The following GCKR variants were observed in gnomAD, a reference collection of about 807,000 sequenced individuals.
The protein encoded by GCKR is glucokinase regulator, also known as glucokinase regulatory protein.
A neutral mutation model predicts 82.9 loss-of-function variants in GCKR; 73 were observed. The observed-to-expected ratio is 0.88, with a 90% CI of 0.73 to 1.07. The LOEUF (loss-of-function observed/expected upper bound fraction) is 1.07, where lower values mean the gene tolerates loss of function less well. Ranked by LOEUF, GCKR falls within the 50% of genes least tolerant of loss-of-function variation. The pLI is 0.00. For synonymous variants in GCKR, 294 were observed against 291.8 expected (o/e 1.01, Z -0.08); for missense variants, 784 against 782.1 (o/e 1.00, Z -0.03).
intron 16 of GCKR, among the ~76,000 whole-genome samples, chr2:27,511,440 T>C (rs1467817455): frequency 1.3e-5 from 2 of 151,576 alleles, no homozygotes; most frequent in South Asian, 2.1e-4. Context: ...CTCACGCCTG[T>C]AATCCCAGCA....
intron 16 of GCKR, among the ~76,000 whole-genome samples, chr2:27,515,658 T>A (rs1465852946): frequency 6.6e-6 from 1 of 151,774 alleles, no homozygotes; most frequent in Non-Finnish European, 1.5e-5. Flanking sequence ...AACACTTAGA[T>A]CTTTAATTTA....
At chr2:27,507,126 G>A (rs539255320) in intron 12 of GCKR, 109 bp from the exon 13 acceptor site, 7 of 838,942 alleles carry the variant, frequency 8.3e-6, no homozygotes, top group South Asian at 5.3e-5. Context: ...CTCACTCTAC[G>A]CCCCACTTGC....
intron 16 of GCKR, among the ~76,000 whole-genome samples, chr2:27,512,876 A>G (rs867521468): frequency 1.3e-5 from 2 of 152,310 alleles, no homozygotes; most frequent in African/African-American, 2.4e-5. Flanking sequence ...AGTCCAGGTC[A>G]GTTGTTTTCC....
chr2:27,519,629 T>C (rs1471489263), intron 17 of GCKR, among the ~76,000 whole-genome samples: 1 of 152,156 alleles, frequency 6.6e-6, no homozygotes, highest in Non-Finnish European at 1.5e-5. Context: ...GCAAGTTTTT[T>C]CCATTAGGTG....
chr2:27,522,913 T>TGA, intron 18 of GCKR, among the ~76,000 whole-genome samples: 1 of 135,452 alleles, frequency 7.4e-6, no homozygotes, highest in African/African-American at 2.8e-5. Flanking sequence ...TTTTTTTTTT[T>TGA]GAGAGAGAGT....
Position 27,498,269 on chromosome 2 carries a change from G to A in GCKR, c.300G>A (p.Gly100=), listed in dbSNP as rs376404254. The change falls in exon 4 of 19, where the codon GGG becomes GGA. Residue 100 remains glycine (G), a synonymous_variant. Coordinates refer to ENST00000264717, the MANE Select transcript of GCKR (RefSeq NM_001486.4). ...VQEVLKEPDG[G]LVVLSGGGTS... The stretch of plus-strand genomic sequence containing the variant: ...TCCTTCTTCAGGAGCCAGATGGGGG[G>A]CTGGTTGTGCTGAGTGGAGGGGGCA... 1.5e-5 allele frequency: 25 copies of A among 1,613,144 alleles called. No homozygotes were observed. Among genetic ancestry groups the A allele is most frequent in the Non-Finnish European group, 2.1e-5 (25 of 1,179,252 alleles).
At chr2:27,503,190 G>A (rs1158272929) in intron 8 of GCKR, among the ~76,000 whole-genome samples, 1 of 152,208 alleles carries the variant, frequency 6.6e-6, no homozygotes, top group Non-Finnish European at 1.5e-5. Context: ...CTTCCCTAAA[G>A]GACCTGCAGA....
intron 16 of GCKR, among the ~76,000 whole-genome samples, chr2:27,511,701 A>T (rs1337037474): frequency 3.3e-5 from 5 of 152,054 alleles, no homozygotes; most frequent in Admixed American, 1.3e-4. Context: ...ATAATAATAA[A>T]AATTAAAAAT....
intron 17 of GCKR, among the ~76,000 whole-genome samples, chr2:27,519,432 G>T (rs1670093438): frequency 6.6e-6 from 1 of 151,938 alleles, no homozygotes; most frequent in Non-Finnish European, 1.5e-5. Flanking sequence ...CTCCCGAGTA[G>T]CTGGGATTAC....
Position 27,506,504 on chromosome 2 carries a change from C to T in GCKR, c.893C>T (p.Thr298Ile), listed in dbSNP as rs1215398352. ...SQRCLLEILR[T>I]FERAHQVTYS... ...AGATGCCTCCTGGAAATCTTGCGGA[C>T]ATTTGAGCGAGCTCATCAGGTGACC... The change falls in exon 11 of 19, where the codon ACA (threonine) becomes ATA (isoleucine). Residue 298 changes from threonine to isoleucine, a missense_variant. Physicochemically the swap from Thr to Ile is moderately conservative, Grantham distance 89. Transcript: ENST00000264717. The T allele has an allele frequency of 7.4e-6, 12 of 1,613,632 alleles. No individual in the cohort carries two copies. The highest frequency in any genetic ancestry group is 1.0e-5 in the Non-Finnish European group (12 of 1,179,680).
intron 8 of GCKR, among the ~76,000 whole-genome samples, chr2:27,503,151 G>A (rs1245052426): frequency 6.6e-6 from 1 of 152,200 alleles, no homozygotes; most frequent in African/African-American, 2.4e-5. Context: ...GGAAAATAAG[G>A]TGACAATTTT....
In GCKR at chr2:27,508,168, A is replaced by T; in HGVS notation, c.1339A>T (p.Ile447Phe). 3 of 1,610,070 alleles carry T rather than the reference A, an allele frequency of 1.9e-6. No homozygotes were observed. Among genetic ancestry groups the T allele is most frequent in the Non-Finnish European group, 2.6e-6 (3 of 1,176,376 alleles). ...AHSTVGQTLL[I>F]PLKKLFPSII... ...CCTGCTCCTCTTTCTCTCTCTCCAG[A>T]TCCCTCTGAAGAAGCTCTTTCCCTC... Residue 447 changes from isoleucine (I) to phenylalanine (F), a missense_variant and splice_region_variant, in exon 16 of 19, where the codon ATC becomes TTC. By Grantham distance (21) the Ile-to-Phe change is conservative (BLOSUM62 0). Coordinates refer to ENST00000264717, the MANE Select transcript of GCKR (RefSeq NM_001486.4).
intron 16 of GCKR, among the ~76,000 whole-genome samples, chr2:27,517,537 C>A (rs11127044): frequency 1.9e-4 from 29 of 152,038 alleles, no homozygotes; most frequent in South Asian, 1.5e-3. Flanking sequence ...CCCCCTGCCC[C>A]CCATGATTCA....
chr2:27,518,869 C>T lies in GCKR; in HGVS notation c.1504C>T (p.Gln502Ter). The T allele has an allele frequency of 6.3e-7, 1 of 1,585,188 alleles. No homozygotes were observed. Among genetic ancestry groups the T allele is most frequent in the Non-Finnish European group, 8.6e-7 (1 of 1,161,952 alleles). ...TCATGTGCTTCTTGGTAAGATCCTA[C>T]AAAACCACATGTTGGACCTTCGGAT... is the stretch of plus-strand genomic sequence containing the variant. ...GAHVLLGKIL[Q>*]NHMLDLRISN... Residue 502 changes from glutamine to a stop codon, truncating the protein, a stop_gained, in exon 17 of 19, where the codon CAA becomes TAA. Coordinates refer to ENST00000264717, the MANE Select transcript of GCKR (RefSeq NM_001486.4). LOFTEE classifies it high-confidence loss of function.
At chr2:27,497,189 A>C (rs576025009) in intron 1 of GCKR, 55 bp from the exon 2 acceptor site, 1 of 1,602,336 alleles carries the variant, frequency 6.2e-7, no homozygotes, top group Non-Finnish European at 8.6e-7. Context: ...CCAGCTCAGC[A>C]GGCATGAATG....
intron 9 of GCKR, among the ~76,000 whole-genome samples, chr2:27,504,539 A>G (rs1188440316): frequency 2.6e-5 from 4 of 151,348 alleles, no homozygotes; most frequent in Non-Finnish European, 5.9e-5. Flanking sequence ...TGTATTTTTA[A>G]TAGACAGCCT....
In GCKR at chr2:27,506,509, G is replaced by C. The variant is rs1669748817; in HGVS notation, c.898G>C (p.Glu300Gln). The C allele has an allele frequency of 1.2e-6, 2 of 1,613,924 alleles. No homozygotes were observed. Among genetic ancestry groups the C allele is most frequent in the Non-Finnish European group, 1.7e-6 (2 of 1,179,850 alleles). Residue 300 changes from glutamate (E) to glutamine (Q), a missense_variant, in exon 11 of 19, where the codon GAG becomes CAG. Coordinates refer to ENST00000264717, the MANE Select transcript of GCKR (RefSeq NM_001486.4). ...RCLLEILRTF[E>Q]RAHQVTYSQS... ...CCTCCTGGAAATCTTGCGGACATTT[G>C]AGCGAGCTCATCAGGTGACCTACAG...
At chr2:27,499,364 A>G in intron 6 of GCKR, 33 bp from the exon 7 acceptor site, 1 of 1,559,744 alleles carries the variant, frequency 6.4e-7, no homozygotes, top group Non-Finnish European at 8.8e-7. Flanking sequence ...GAATCCTCCC[A>G]GTTACACTAC....
chr2:27,513,908 T>TG (rs1669944865), intron 16 of GCKR, among the ~76,000 whole-genome samples: 2 of 137,248 alleles, frequency 1.5e-5, no homozygotes, highest in Admixed American at 7.0e-5. Flanking sequence ...ATTATTTGCA[T>TG]TTGTGTGTGT....
Sources: gnomAD v4.1 joint callset for allele counts (sites outside exome capture counted in the v4.1 genomes callset) on GRCh38, gnomAD v4.1.1 for gene constraint, MANE v1.5 for transcripts, NCBI Gene and HGNC (gene_info 2026-07-23, HGNC 2026-07-21) for gene names.